FOXO3: variants seen among roughly 807,000 people sequenced by gnomAD.
The protein encoded by FOXO3 is forkhead box O3.
A neutral mutation model predicts 41.9 loss-of-function variants in FOXO3; 4 were observed. That is an observed-to-expected ratio of 0.10 (90% CI 0.05 to 0.22). The LOEUF is 0.22. Ranked by LOEUF, FOXO3 falls within the 10% of genes least tolerant of loss-of-function variation. The pLI, the probability that FOXO3 is intolerant of heterozygous loss-of-function variation, is 1.00. For missense variants in FOXO3, 534 were observed against 906.8 expected, an observed-to-expected ratio of 0.59 and a Z score of 5.28; for synonymous variants, 318 against 389.3, an observed-to-expected ratio of 0.82 and a Z score of 2.16.
intron 1 of FOXO3, among the ~76,000 whole-genome samples, chr6:108,608,409 C>T (rs973721246): frequency 3.9e-5 from 6 of 152,086 alleles, no homozygotes; most frequent in South Asian, 4.2e-4. Flanking sequence ...GTCTTTTGTC[C>T]CCAGAGGGAA....
intron 1 of FOXO3, among the ~76,000 whole-genome samples, chr6:108,661,285 T>G (rs1778843657): frequency 6.6e-6 from 1 of 152,076 alleles, no homozygotes. Flanking sequence ...TGTTTGTATC[T>G]TCTACATGAA....
At chr6:108,571,993 A>G (rs1056498600) in intron 1 of FOXO3, among the ~76,000 whole-genome samples, 2 of 152,144 alleles carry the variant, frequency 1.3e-5, no homozygotes, top group African/African-American at 4.8e-5. Flanking sequence ...GGGAGGCATG[A>G]ATTTTCCTTG....
In FOXO3 at chr6:108,681,627, G is replaced by C. The variant is rs1770858453; in HGVS notation, c.*1835G>C. ...CTTGGGTTGCCATGTTTGAGCGATG[G>C]CCCTGTTGATTTCACCCTGCCTTTT... is the stretch of plus-strand genomic sequence containing the variant. On this transcript the variant is annotated 3_prime_UTR_variant, in exon 3 of 3. Coordinates refer to ENST00000406360, the MANE Select transcript of FOXO3 (RefSeq NM_001455.4). 1 of 151,182 alleles carries C rather than the reference G, an allele frequency of 6.6e-6. No individual in the cohort carries two copies. The highest frequency in any genetic ancestry group is 1.5e-5 in the Non-Finnish European group (1 of 67,756). The allele number at this position is 151,182 out of a possible 1,614,324, so 9.4% of individuals were successfully genotyped here. A position where few individuals can be genotyped will look rare whatever the true frequency, so the allele number is the denominator to read the frequency against.
In FOXO3 at chr6:108,653,086, A is replaced by G. The variant is rs141979165; in HGVS notation, c.622-10369A>G. On this transcript the variant is annotated intron_variant, in intron 1 of 2. Coordinates refer to ENST00000406360, the MANE Select transcript of FOXO3 (RefSeq NM_001455.4). ...ATTGGGCTGTTTAATTGAAGTTAAT[A>G]CCAGTGATGAGACTTTTCAACCTGA... is the stretch of plus-strand genomic sequence containing the variant. Among the ~76,000 whole-genome samples the G allele has an allele frequency of 2.1e-4, 32 of 152,318 alleles. 1 individual carries two copies. The highest frequency in any genetic ancestry group is 7.2e-4 in the African/African-American group (30 of 41,568).
intron 1 of FOXO3, among the ~76,000 whole-genome samples, chr6:108,629,181 G>A (rs1229504011): frequency 6.6e-6 from 1 of 152,128 alleles, no homozygotes; most frequent in African/African-American, 2.4e-5. Context: ...GTGGCGGTGT[G>A]GTGATCACCA....
At position 108,664,469 on chromosome 6, in the gene FOXO3, G is replaced by T; in HGVS notation, c.1636G>T (p.Gly546Cys). 1 of 1,593,808 alleles carries T rather than the reference G, an allele frequency of 6.3e-7. No individual in the cohort carries two copies. Among genetic ancestry groups the T allele is most frequent in the Non-Finnish European group, 8.6e-7 (1 of 1,162,416 alleles). The change falls in exon 2 of 3, where the codon GGC (glycine) becomes TGC (cysteine). Residue 546 changes from glycine to cysteine, a missense_variant. By Grantham distance (159) the Gly-to-Cys change is radical. Transcript: ENST00000406360. The stretch of plus-strand genomic sequence containing the variant: ...GCACCAAACCCAGGGCGCTCTTGGT[G>T]GCAGCCGTGCCTTGTCGAATTCTGT... ...HQHQTQGALGGSRALSNSVSN... is the reference protein window; with the variant it reads ...HQHQTQGALGCSRALSNSVSN...
chr6:108,631,841 C>T (rs1249130189), intron 1 of FOXO3, among the ~76,000 whole-genome samples: 3 of 152,138 alleles, frequency 2.0e-5, no homozygotes, highest in African/African-American at 7.2e-5. Context: ...TTGTTAGAAT[C>T]AGGATTCACA....
intron 1 of FOXO3, among the ~76,000 whole-genome samples, chr6:108,630,021 C>T (rs1582795427): frequency 6.6e-6 from 1 of 152,286 alleles, no homozygotes; most frequent in East Asian, 1.9e-4. Flanking sequence ...TTAAACATGA[C>T]CAGTTCTTTT....
intron 1 of FOXO3, among the ~76,000 whole-genome samples, chr6:108,623,819 A>G (rs752415003): frequency 6.6e-6 from 1 of 152,156 alleles, no homozygotes; most frequent in Non-Finnish European, 1.5e-5. Flanking sequence ...ACTGCTCTTA[A>G]TATTTCCTTC....
At chr6:108,642,303 C>T (rs1778282906) in intron 1 of FOXO3, among the ~76,000 whole-genome samples, 3 of 152,020 alleles carry the variant, frequency 2.0e-5, no homozygotes. Flanking sequence ...ATTGCCAAGA[C>T]TGATATCAAA....
chr6:108,664,908 G>A lies in FOXO3; in HGVS notation c.*34+19G>A. 6.3e-7 allele frequency: 1 copy of A among 1,578,084 alleles called. No individual in the cohort carries two copies. The highest frequency in any genetic ancestry group is 8.6e-7 in the Non-Finnish European group (1 of 1,162,294). On this transcript the variant is annotated intron_variant, in intron 2 of 2. Coordinates refer to ENST00000406360, the MANE Select transcript of FOXO3 (RefSeq NM_001455.4). The stretch of plus-strand genomic sequence containing the variant: ...AAAGCAGGTCAGTGCCGAATGCTAT[G>A]GCATAAAAATAACAATATGGGGATG...
At chr6:108,601,386 C>T (rs942550081) in intron 1 of FOXO3, among the ~76,000 whole-genome samples, 1 of 152,184 alleles carries the variant, frequency 6.6e-6, no homozygotes, top group African/African-American at 2.4e-5. Flanking sequence ...TCACTGCAGC[C>T]TCCGCCTCCT....
intron 1 of FOXO3, among the ~76,000 whole-genome samples, chr6:108,660,977 G>A (rs910999550): frequency 1.3e-5 from 2 of 151,932 alleles, no homozygotes; most frequent in South Asian, 2.1e-4. Flanking sequence ...GGAGAATGGC[G>A]TGAACCTGGG....
rs140437257 is a variant in FOXO3 at position 108,621,109 on chromosome 6, A to T, written c.622-42346A>T. Among the ~76,000 whole-genome samples, 26 of 152,346 alleles carry T rather than the reference A, an allele frequency of 1.7e-4. 2 individuals carry two copies. In the East Asian group the frequency reaches 4.4e-3, roughly 26 times the overall value. ...CTGTGAAATTGGGGTTTATGAAATA[A>T]GATTGGAAAAAAATAGAGTGTATAA... On this transcript the variant is annotated intron_variant, in intron 1 of 2. Transcript: ENST00000406360.
At chr6:108,638,224 A>G (rs1778168818) in intron 1 of FOXO3, among the ~76,000 whole-genome samples, 1 of 152,000 alleles carries the variant, frequency 6.6e-6, no homozygotes, top group Admixed American at 6.6e-5. Flanking sequence ...GTCCTAAGAA[A>G]CCCCACAGAC....
At chr6:108,626,383 GT>G (rs1254015334) in intron 1 of FOXO3, among the ~76,000 whole-genome samples, 1 of 152,092 alleles carries the variant, frequency 6.6e-6, no homozygotes, top group African/African-American at 2.4e-5. Context: ...AGTGGACGCT[GT>G]TTTCTGAAAT....
Position 108,664,322 on chromosome 6 carries a change from A to T in FOXO3, c.1489A>T (p.Ser497Cys), listed in dbSNP as rs749942032. 1.9e-6 allele frequency: 3 copies of T among 1,599,200 alleles called. No individual in the cohort carries two copies. The highest frequency in any genetic ancestry group is 2.6e-6 in the Non-Finnish European group (3 of 1,167,170). Residue 497 changes from serine to cysteine, a missense_variant, in exon 2 of 3, where the codon AGC (serine) becomes TGC (cysteine). By Grantham distance (112) the Ser-to-Cys change is moderately radical. Around this residue, in one of 8 missense-constraint regions of FOXO3, gnomAD observed 94 missense variants for 214.4 expected, o/e 0.44. Transcript: ENST00000406360. Reference protein sequence around the residue: ...TQSDPLMSQASTAVSAQNSRR... With the variant: ...TQSDPLMSQACTAVSAQNSRR... ...GTCGGACCCCTTGATGTCTCAGGCCAGCACCGCTGTGTCTGCCCAGAATTC... is the reference window on the plus strand; with the variant it reads ...GTCGGACCCCTTGATGTCTCAGGCCTGCACCGCTGTGTCTGCCCAGAATTC...
At chr6:108,648,988 CAG>C (rs1436652643) in intron 1 of FOXO3, among the ~76,000 whole-genome samples, 6 of 104,906 alleles carry the variant, frequency 5.7e-5, no homozygotes, top group African/African-American at 2.2e-4. Context: ...GCCTGGGTAA[CAG>C]AGTGGGAACC....
At chr6:108,571,208 G>A (rs1318254040) in intron 1 of FOXO3, among the ~76,000 whole-genome samples, 1 of 152,198 alleles carries the variant, frequency 6.6e-6, no homozygotes, top group Non-Finnish European at 1.5e-5. Flanking sequence ...GAAAGGTAAG[G>A]TAAAAAGTAA....
Sources: gnomAD v4.1 joint callset for allele counts (sites outside exome capture counted in the v4.1 genomes callset) on GRCh38, gnomAD v4.1.1 for gene constraint, gnomAD v4.1.1 regional missense constraint, MANE v1.5 for transcripts, NCBI Gene and HGNC (gene_info 2026-07-23, HGNC 2026-07-21) for gene names.